The following CRACD variants were observed in gnomAD, a reference collection of about 807,000 sequenced individuals.
The protein encoded by CRACD is capping protein-inhibiting regulator of actin dynamics.
In CRACD, 56 loss-of-function variants were observed where a neutral mutation model predicts 106.8. The ratio of observed to expected loss-of-function variants is 0.52; its 90% CI spans 0.42 to 0.66. The LOEUF is 0.66. Ranked by LOEUF, CRACD falls within the 30% of genes least tolerant of loss-of-function variation. The pLI is 0.00. For synonymous variants in CRACD, 754 were observed against 670.8 expected, an observed-to-expected ratio of 1.12 and a Z score of -1.92; for missense variants, 1,730 against 1,623.2, an observed-to-expected ratio of 1.07 and a Z score of -1.13.
At chr4:56,306,136 G>T (rs1560528010) in intron 4 of CRACD, among the ~76,000 whole-genome samples, 1 of 152,152 alleles carries the variant, frequency 6.6e-6, no homozygotes, top group African/African-American at 2.4e-5. Context: ...AAAGTGAGGG[G>T]TTTGGAGTAG....
At chr4:56,134,949 C>A (rs374144220) in intron 1 of CRACD, among the ~76,000 whole-genome samples, 75 of 151,198 alleles carry the variant, frequency 5.0e-4, no homozygotes, top group African/African-American at 1.7e-3. Context: ...TTTTTTTTCC[C>A]CTAAATAGCA....
chr4:56,304,878 ATG>A (rs1744590629), intron 4 of CRACD, among the ~76,000 whole-genome samples: 1 of 152,142 alleles, frequency 6.6e-6, no homozygotes, highest in Non-Finnish European at 1.5e-5. Context: ...TCCTAATTAA[ATG>A]GTATTAGAGT....
intron 2 of CRACD, among the ~76,000 whole-genome samples, chr4:56,218,607 C>T (rs1266638257): frequency 6.7e-6 from 1 of 149,858 alleles, no homozygotes; most frequent in African/African-American, 2.5e-5. Context: ...CTTCCCTTCC[C>T]TCTTTTCTTT....
At chr4:56,277,692 C>T (rs533005526) in intron 3 of CRACD, among the ~76,000 whole-genome samples, 28 of 152,178 alleles carry the variant, frequency 1.8e-4, no homozygotes, top group African/African-American at 6.3e-4. Flanking sequence ...AAATAAGAGG[C>T]ATTAATCTTA....
intron 1 of CRACD, among the ~76,000 whole-genome samples, chr4:56,118,405 T>G (rs1175582780): frequency 6.6e-6 from 1 of 152,190 alleles, no homozygotes; most frequent in Non-Finnish European, 1.5e-5. Flanking sequence ...TCAATAATCC[T>G]ACAAATCTAT....
intron 2 of CRACD, among the ~76,000 whole-genome samples, chr4:56,191,532 C>A (rs28603122): frequency 3.3e-5 from 5 of 152,000 alleles, no homozygotes; most frequent in African/African-American, 1.2e-4. Flanking sequence ...TGGGCCCATC[C>A]AGATAATCCA....
At chr4:56,150,828 T>A (rs991752691) in intron 1 of CRACD, among the ~76,000 whole-genome samples, 2 of 152,204 alleles carry the variant, frequency 1.3e-5, no homozygotes, top group Admixed American at 1.3e-4. Context: ...CGAACAGGGC[T>A]GCTATGAACA....
intron 2 of CRACD, among the ~76,000 whole-genome samples, chr4:56,214,779 A>C (rs1738596994): frequency 6.6e-6 from 1 of 150,964 alleles, no homozygotes; most frequent in Non-Finnish European, 1.5e-5. Flanking sequence ...TTGGGAGGCC[A>C]AGGTAGGCAA....
chr4:56,119,524 G>A (rs13103602), intron 1 of CRACD, among the ~76,000 whole-genome samples: 8,197 of 151,448 alleles, frequency 0.054, 277 homozygotes, highest in East Asian at 0.19. Flanking sequence ...TTGTAGAGAT[G>A]ATGTCTCGTC....
At chr4:56,109,629 G>C (rs966158532) in intron 1 of CRACD, among the ~76,000 whole-genome samples, 3 of 152,102 alleles carry the variant, frequency 2.0e-5, no homozygotes, top group African/African-American at 7.2e-5. Flanking sequence ...ATTAGGAAAG[G>C]CTGAGTGAAG....
intron 2 of CRACD, among the ~76,000 whole-genome samples, chr4:56,249,037 A>G (rs1239266638): frequency 1.2e-5 from 1 of 83,966 alleles, no homozygotes; most frequent in African/African-American, 4.6e-5. Flanking sequence ...ATAAACATAC[A>G]TGTGCATGTG....
intron 2 of CRACD, among the ~76,000 whole-genome samples, chr4:56,219,438 C>T (rs1034738114): frequency 1.3e-5 from 2 of 152,174 alleles, no homozygotes; most frequent in Admixed American, 6.5e-5. Context: ...ACCTCTGCCT[C>T]CTGGATTGAA....
intron 2 of CRACD, among the ~76,000 whole-genome samples, chr4:56,199,489 C>T (rs1170726639): frequency 2.6e-5 from 4 of 151,968 alleles, no homozygotes; most frequent in Non-Finnish European, 4.4e-5. Context: ...CAAGACCAGC[C>T]TGACCAACAT....
intron 5 of CRACD, 43 bp downstream of exon 5, chr4:56,307,742 G>A (rs757577085): frequency 2.7e-5 from 44 of 1,603,920 alleles, no homozygotes; most frequent in Non-Finnish European, 3.6e-5. Flanking sequence ...CATAAACCAG[G>A]GCAGGACATT....
intron 1 of CRACD, among the ~76,000 whole-genome samples, chr4:56,073,967 C>G (rs1490142978): frequency 6.6e-6 from 1 of 152,142 alleles, no homozygotes; most frequent in Admixed American, 6.6e-5. Flanking sequence ...GGAATCCTTT[C>G]CCCATTTCTT....
intron 3 of CRACD, among the ~76,000 whole-genome samples, chr4:56,285,967 T>C (rs755171768): frequency 9.9e-5 from 15 of 152,118 alleles, no homozygotes; most frequent in Non-Finnish European, 1.6e-4. Flanking sequence ...CTCTGTTTCA[T>C]AGAGCCAGAG....
Position 56,315,733 on chromosome 4 carries a change from G to A in CRACD, c.2231G>A (p.Ser744Asn). The A allele has an allele frequency of 6.2e-7, 1 of 1,614,232 alleles. No homozygotes were observed. Among genetic ancestry groups the A allele is most frequent in the East Asian group, 2.2e-5 (1 of 44,874 alleles). The change falls in exon 8 of 11, where the codon AGC becomes AAC. Residue 744 changes from serine (S) to asparagine (N), a missense_variant. This residue lies in a region of CRACD where 1,620 missense variants were observed against 1,481.6 expected (regional missense o/e 1.09). Coordinates refer to ENST00000682029, the MANE Select transcript of CRACD (RefSeq NM_001393381.1). The surrounding 1 kb of genome is among the most constrained non-coding windows in gnomAD (Gnocchi z 4.1). ...TCCAAACAGAGCACGGAAGCTGAAAGCATACGAAAAAGACCCATGCTGGGA... is the reference window on the plus strand; with the variant it reads ...TCCAAACAGAGCACGGAAGCTGAAAACATACGAAAAAGACCCATGCTGGGA... The part of the protein sequence containing the change: ...ETSKQSTEAE[S>N]IRKRPMLGPS...
rs186910640 is a variant in CRACD, at chr4:56,232,787, C to T, written c.-188-39534C>T. 1.0e-3 allele frequency among the ~76,000 whole-genome samples: 154 copies of T among 151,722 alleles called. 1 individual carries two copies. In the East Asian group the frequency reaches 0.021, roughly 21 times the overall value. On this transcript the variant is annotated intron_variant, in intron 2 of 10. Transcript: ENST00000682029. ...TCACCCAGGCTGGAGTGCAGTGGCGCGATCTCGGCTCACTGCAAACTCTGC... is the reference window on the plus strand; with the variant it reads ...TCACCCAGGCTGGAGTGCAGTGGCGTGATCTCGGCTCACTGCAAACTCTGC...
intron 1 of CRACD, among the ~76,000 whole-genome samples, chr4:56,096,523 G>A (rs964951910): frequency 1.3e-5 from 2 of 152,088 alleles, no homozygotes; most frequent in Non-Finnish European, 2.9e-5. Context: ...GACCAGCCTG[G>A]ATGACATGGT....
Sources: allele counts gnomAD v4.1 joint callset (sites outside exome capture counted in the v4.1 genomes callset), GRCh38; gene constraint gnomAD v4.1.1; regional missense constraint gnomAD v4.1.1; non-coding constraint Gnocchi (gnomAD v3.1); transcripts MANE v1.5; gene names NCBI Gene and HGNC (gene_info 2026-07-23, HGNC 2026-07-21).